GRIK1: variants seen among roughly 807,000 people sequenced by gnomAD.
The protein encoded by GRIK1 is glutamate receptor ionotropic, kainate 1.
A neutral mutation model predicts 105.7 loss-of-function variants in GRIK1; 69 were observed. The ratio of observed to expected loss-of-function variants is 0.65; its 90% CI spans 0.54 to 0.80. The LOEUF is 0.80. Ranked by LOEUF, GRIK1 falls within the 30% of genes least tolerant of loss-of-function variation. The pLI, the probability that GRIK1 is intolerant of heterozygous loss-of-function variation, is 0.00. For synonymous variants in GRIK1, 438 were observed against 431.3 expected (o/e 1.02, Z -0.19); for missense variants, 1,109 against 1,167.3 (o/e 0.95, Z 0.73).
At chr21:29,936,598 G>T (rs146271306) in intron 1 of GRIK1, among the ~76,000 whole-genome samples, 158 of 152,304 alleles carry the variant, frequency 1.0e-3, no homozygotes, top group African/African-American at 3.5e-3. Flanking sequence ...GAAACTTCTT[G>T]AGTGCAGTAA....
Position 29,790,266 on chromosome 21 carries a change from C to T in GRIK1, c.119-96203G>A, listed in dbSNP as rs151098798. 3.2e-3 allele frequency among the ~76,000 whole-genome samples: 482 copies of T among 152,218 alleles called. 3 individuals are homozygous for T. Among genetic ancestry groups the T allele is most frequent in the Middle Eastern group, 0.017 (5 of 294 alleles). ...GTTTCACCATGTTGGCCAGGATGGT[C>T]TCAATATCTTCACCTCATGATCTGC... On this transcript the variant is annotated intron_variant, in intron 1 of 17. Transcript: ENST00000327783.
At chr21:29,912,346 C>G (rs185170893) in intron 1 of GRIK1, among the ~76,000 whole-genome samples, 1 of 152,170 alleles carries the variant, frequency 6.6e-6, no homozygotes, top group East Asian at 1.9e-4. Flanking sequence ...AGAGAGATGT[C>G]AGCCCCAAGA....
intron 1 of GRIK1, among the ~76,000 whole-genome samples, chr21:29,790,600 C>G (rs977606066): frequency 5.9e-5 from 9 of 152,008 alleles, no homozygotes; most frequent in Middle Eastern, 3.4e-3. Flanking sequence ...GGGCTACAGG[C>G]GTGCACCACC....
At chr21:29,886,287 G>A (rs184380316) in intron 1 of GRIK1, among the ~76,000 whole-genome samples, 1 of 152,052 alleles carries the variant, frequency 6.6e-6, no homozygotes, top group Non-Finnish European at 1.5e-5. Flanking sequence ...TAAAGTCTAT[G>A]CTCTCTTTTG....
intron 1 of GRIK1, among the ~76,000 whole-genome samples, chr21:29,814,307 C>T (rs2067094919): frequency 6.6e-6 from 1 of 151,722 alleles, no homozygotes; most frequent in Admixed American, 6.6e-5. Context: ...CTCTTCATGA[C>T]AAAGGAGAGA....
intron 8 of GRIK1, among the ~76,000 whole-genome samples, chr21:29,597,930 T>C (rs2061447438): frequency 1.3e-5 from 2 of 152,180 alleles, no homozygotes; most frequent in Non-Finnish European, 2.9e-5. Flanking sequence ...TCAACCCAAC[T>C]AATCTAATTA....
At chr21:29,866,827 T>C (rs959345818) in intron 1 of GRIK1, among the ~76,000 whole-genome samples, 8 of 152,236 alleles carry the variant, frequency 5.3e-5, no homozygotes, top group Non-Finnish European at 7.3e-5. Context: ...CTGACATTTC[T>C]TGTCACAAAA....
chr21:29,571,335 C>T (rs534869702), intron 14 of GRIK1, among the ~76,000 whole-genome samples: 2 of 150,548 alleles, frequency 1.3e-5, no homozygotes, highest in East Asian at 1.9e-4. Flanking sequence ...ACAGCCTGGG[C>T]GACAGAGCAA....
At chr21:29,542,302 T>A (rs116315352) in intron 16 of GRIK1, among the ~76,000 whole-genome samples, 2,680 of 152,254 alleles carry the variant, frequency 0.018, 80 homozygotes, top group African/African-American at 0.06. Flanking sequence ...GTTTCTTTTT[T>A]AATTGCTGGC....
chr21:29,735,977 A>G (rs2064781112), intron 1 of GRIK1, among the ~76,000 whole-genome samples: 1 of 152,230 alleles, frequency 6.6e-6, no homozygotes, highest in African/African-American at 2.4e-5. Flanking sequence ...TGAAATATAA[A>G]AAGAAATCAA....
intron 7 of GRIK1, among the ~76,000 whole-genome samples, chr21:29,621,958 T>C (rs949034964): frequency 1.6e-4 from 24 of 150,770 alleles, no homozygotes; most frequent in African/African-American, 5.9e-4. Context: ...TTTCTTTTTT[T>C]TTTTTGAGTT....
intron 7 of GRIK1, among the ~76,000 whole-genome samples, chr21:29,618,591 C>A (rs2061905430): frequency 6.6e-6 from 1 of 151,954 alleles, no homozygotes; most frequent in Non-Finnish European, 1.5e-5. Context: ...TTCACAATTG[C>A]AAAAATATGG....
chr21:29,584,219 T>C (rs1467127692), intron 12 of GRIK1, among the ~76,000 whole-genome samples: 2 of 152,190 alleles, frequency 1.3e-5, no homozygotes, highest in Non-Finnish European at 2.9e-5. Flanking sequence ...AATCCATTCA[T>C]CTTTCAAGGG....
chr21:29,646,783 G>A (rs1277748669), intron 6 of GRIK1, among the ~76,000 whole-genome samples: 2 of 152,110 alleles, frequency 1.3e-5, no homozygotes, highest in Non-Finnish European at 2.9e-5. Context: ...GCAAGCTAAG[G>A]AATGTGTTTC....
At chr21:29,878,566 T>C (rs983117659) in intron 1 of GRIK1, among the ~76,000 whole-genome samples, 3 of 152,158 alleles carry the variant, frequency 2.0e-5, no homozygotes, top group Admixed American at 6.5e-5. Context: ...ATAGACTGAA[T>C]GGTTGTGTTT....
At chr21:29,553,529 C>T (rs762064652) in intron 16 of GRIK1, 49 of 1,462,380 alleles carry the variant, frequency 3.4e-5, no homozygotes, top group Admixed American at 9.4e-5. Flanking sequence ...CTACTGGGCA[C>T]ATCTTTTTTT....
At chr21:29,611,785 GACTT>G (rs2061735975) in intron 7 of GRIK1, among the ~76,000 whole-genome samples, 2 of 152,156 alleles carry the variant, frequency 1.3e-5, no homozygotes, top group African/African-American at 4.8e-5. Context: ...CCTAACTCTA[GACTT>G]TATATGGGTC....
intron 13 of GRIK1, among the ~76,000 whole-genome samples, chr21:29,578,839 A>G (rs2090953598): frequency 6.6e-6 from 1 of 152,158 alleles, no homozygotes. Context: ...GCAATGTAAT[A>G]TTATTTTAGC....
chr21:29,834,541 T>G (rs1331986739), intron 1 of GRIK1, among the ~76,000 whole-genome samples: 1 of 150,880 alleles, frequency 6.6e-6, no homozygotes, highest in Non-Finnish European at 1.5e-5. Context: ...CACTTCCTAC[T>G]TGGCTGTCTA....
Sources: allele counts gnomAD v4.1 joint callset (sites outside exome capture counted in the v4.1 genomes callset), GRCh38; gene constraint gnomAD v4.1.1; transcripts MANE v1.5; gene names NCBI Gene and HGNC (gene_info 2026-07-23, HGNC 2026-07-21).